The following ANKRD37 variants were observed in gnomAD, a reference collection of about 807,000 sequenced individuals.
ANKRD37 encodes the protein ankyrin repeat domain-containing protein 37.
A neutral mutation model predicts 19.7 loss-of-function variants in ANKRD37; 17 were observed. The ratio of observed to expected loss-of-function variants is 0.86; its 90% confidence interval spans 0.59 to 1.29. The LOEUF is 1.29. ANKRD37 is among the 50% of genes most tolerant of loss of function. ANKRD37 has a pLI of 0.00. For synonymous variants in ANKRD37, 79 were observed against 74.5 expected, an observed-to-expected ratio of 1.06 and a Z score of -0.31; for missense variants, 207 against 190.4, an observed-to-expected ratio of 1.09 and a Z score of -0.51.
Position 185,399,562 on chromosome 4 carries a change from G to A in ANKRD37, c.273-8G>A, listed in dbSNP as rs188327719. On this transcript the variant is annotated splice_region_variant and splice_polypyrimidine_tract_variant and intron_variant, in intron 3 of 4. Coordinates refer to ENST00000335174, the MANE Select transcript of ANKRD37 (RefSeq NM_181726.4). The stretch of plus-strand genomic sequence containing the variant: ...TTTCATTTCACTCCGTTTTTATCCT[G>A]TTTTCAGTTTATGTAATAAGAACGG... 13 of 1,613,898 alleles carry A rather than the reference G, an allele frequency of 8.1e-6. No homozygotes were observed. The African/African-American group carries it at 1.2e-4, about 15-fold the overall frequency.
rs1373784538 is a variant in ANKRD37 at position 185,396,848 on chromosome 4, C to T, written c.-76C>T. On this transcript the variant is annotated 5_prime_UTR_variant, in exon 1 of 5. Transcript: ENST00000335174. ...CCGTGCTAGGGCCAGCCTGCGCATT[C>T]TTACCTGTCGGGGTGCGGCGAGTGT... 1 of 1,514,222 alleles carries T rather than the reference C, an allele frequency of 6.6e-7. No individual in the cohort carries two copies. The highest frequency in any genetic ancestry group is 1.4e-5 in the African/African-American group (1 of 73,112). 93.8% of individuals were successfully genotyped at this position (1,514,222 alleles called of 1,614,324 possible).
intron 2 of ANKRD37, among the ~76,000 whole-genome samples, chr4:185,397,945 G>A (rs2095507454): frequency 6.6e-6 from 1 of 152,200 alleles, no homozygotes; most frequent in Admixed American, 6.5e-5. Flanking sequence ...TTTAATGTAT[G>A]TGCATATGGC....
rs938648762 is a variant in ANKRD37, at chr4:185,397,245, C to T, written c.123C>T (p.Ser41=). 2 of 1,614,156 alleles carry T rather than the reference C, an allele frequency of 1.2e-6. No homozygotes were observed. Among genetic ancestry groups the T allele is most frequent in the Non-Finnish European group, 1.7e-6 (2 of 1,180,036 alleles). Residue 41 remains serine, a synonymous_variant, in exon 2 of 5, where the codon AGC becomes AGT. Coordinates refer to ENST00000335174, the MANE Select transcript of ANKRD37 (RefSeq NM_181726.4). ...CGCCTGTCCACTTAGCCGCAGGAAG[C>T]GGCCTTGCTTGCTTTCTTCTCTGGC... is the stretch of plus-strand genomic sequence containing the variant. The part of the protein sequence containing the change: ...KQSPVHLAAG[S]GLACFLLWQL...
rs1232331379 is a variant in ANKRD37 at position 185,397,306 on chromosome 4, A to G, written c.180+4A>G. ...GGGCGCTGACCTCAACCAGCAGGTA[A>G]CTAGGTAACTGTTGCTGTGTACAGC... On this transcript the variant is annotated splice_donor_region_variant and intron_variant, in intron 2 of 4. Coordinates refer to ENST00000335174, the MANE Select transcript of ANKRD37 (RefSeq NM_181726.4). 6.2e-7 allele frequency: 1 copy of G among 1,613,540 alleles called. No homozygotes were observed. Among genetic ancestry groups the G allele is most frequent in the Non-Finnish European group, 8.5e-7 (1 of 1,179,888 alleles).
At chr4:185,400,490 A>AGAC (rs781063894), downstream of ANKRD37, 1 of 1,599,942 alleles carries the variant, frequency 6.3e-7, no homozygotes, top group South Asian at 1.1e-5. Context: ...TGGATAGAGA[A>AGAC]GACGGGAAAG....
At chr4:185,398,819 C>A in intron 2 of ANKRD37, 118 bp from the exon 3 acceptor site, 3 of 524,528 alleles carry the variant, frequency 5.7e-6, no homozygotes, top group Non-Finnish European at 9.3e-6. Flanking sequence ...AAAAAATTCC[C>A]TGTCCAGTAC....
chr4:185,398,281 G>T (rs1160626131), intron 2 of ANKRD37, among the ~76,000 whole-genome samples: 1 of 152,032 alleles, frequency 6.6e-6, no homozygotes, highest in Non-Finnish European at 1.5e-5. Context: ...AATGAAAACG[G>T]TATGAAAAAG....
In ANKRD37 at chr4:185,397,150, G is replaced by C; in HGVS notation, c.28G>C (p.Val10Leu). Residue 10 changes from valine (V) to leucine (L), a missense_variant and splice_region_variant, in exon 2 of 5, where the codon GTG becomes CTG. Coordinates refer to ENST00000335174, the MANE Select transcript of ANKRD37 (RefSeq NM_181726.4). ...TGCTGGATCTGTTCTCTTCCTGCAG[G>C]TGGATGGTCTGAAGCATTTGCTGGA... MLLLDCNPE[V>L]DGLKHLLETG... is the part of the protein sequence containing the mutation. 1 of 1,613,374 alleles carries C rather than the reference G, an allele frequency of 6.2e-7. No homozygotes were observed. Among genetic ancestry groups the C allele is most frequent in the Non-Finnish European group, 8.5e-7 (1 of 1,179,990 alleles).
intron 1 of ANKRD37, 86 bp downstream of exon 1, chr4:185,397,036 C>T (rs1465098269): frequency 6.2e-7 from 1 of 1,609,642 alleles, no homozygotes; most frequent in African/African-American, 1.3e-5. Context: ...GGGGACGGAC[C>T]ACTGGGCGCT....
rs776541906 is a variant in ANKRD37 at position 185,399,559 on chromosome 4, C to G, written c.273-11C>G. On this transcript the variant is annotated splice_polypyrimidine_tract_variant and intron_variant, in intron 3 of 4. Coordinates refer to ENST00000335174, the MANE Select transcript of ANKRD37 (RefSeq NM_181726.4). The stretch of plus-strand genomic sequence containing the variant: ...ATGTTTCATTTCACTCCGTTTTTAT[C>G]CTGTTTTCAGTTTATGTAATAAGAA... 6.2e-7 allele frequency: 1 copy of G among 1,613,648 alleles called. No homozygotes were observed. Among genetic ancestry groups the G allele is most frequent in the Admixed American group, 1.7e-5 (1 of 59,988 alleles).
At chr4:185,399,827 A>G (rs777800362) in intron 4 of ANKRD37, 54 bp downstream of exon 4, 15 of 1,606,484 alleles carry the variant, frequency 9.3e-6, no homozygotes, top group Admixed American at 1.7e-5. Context: ...TCTTGTTTGC[A>G]TAGCATTTAT....
chr4:185,397,297 C>T lies in ANKRD37; in HGVS notation c.175C>T (p.Gln59Ter). The T allele has an allele frequency of 6.2e-7, 1 of 1,613,802 alleles. No individual in the cohort carries two copies. Among genetic ancestry groups the T allele is most frequent in the South Asian group, 1.1e-5 (1 of 91,054 alleles). Residue 59 changes from glutamine to a stop codon, truncating the protein, a stop_gained, in exon 2 of 5, where the codon CAG (glutamine) becomes TAG (stop). Transcript: ENST00000335174. LOFTEE classifies it high-confidence loss of function. ...WQLQTGADLN[Q>*]QDVLGEAPLH... is the part of the protein sequence containing the mutation. ...GCTGCAAACGGGCGCTGACCTCAAC[C>T]AGCAGGTAACTAGGTAACTGTTGCT...
intron 2 of ANKRD37, 136 bp from the exon 3 acceptor site, chr4:185,398,794 CAAAAAAA>C (rs34434090): frequency 7.9e-5 from 20 of 253,774 alleles, no homozygotes; most frequent in Non-Finnish European, 1.1e-4. Context: ...TGTTCTCTGC[CAAAAAAA>C]AAAAAAAAAA....
chr4:185,399,381 C>T (rs1253385155), intron 3 of ANKRD37, among the ~76,000 whole-genome samples, 189 bp from the exon 4 acceptor site: 2 of 152,096 alleles, frequency 1.3e-5, no homozygotes, highest in African/African-American at 4.8e-5. Context: ...ACTGGAATGC[C>T]CGCTCTATGC....
At chr4:185,397,097 G>A in intron 1 of ANKRD37, 53 bp from the exon 2 acceptor site, 1 of 1,610,324 alleles carries the variant, frequency 6.2e-7, no homozygotes, top group South Asian at 1.1e-5. Flanking sequence ...GCCCGGAGGG[G>A]CGCGGGACTG....
chr4:185,400,063 G>A lies in ANKRD37; in HGVS notation c.*46G>A, dbSNP rs750267957. 3.6e-5 allele frequency: 55 copies of A among 1,520,188 alleles called. No homozygotes were observed. Among genetic ancestry groups the A allele is most frequent in the Non-Finnish European group, 4.6e-5 (51 of 1,105,710 alleles). 94.2% of individuals were successfully genotyped at this position (1,520,188 alleles called of 1,614,324 possible). A position where few individuals can be genotyped will look rare whatever the true frequency, so the allele number is the denominator to read the frequency against. On this transcript the variant is annotated 3_prime_UTR_variant, in exon 5 of 5. Coordinates refer to ENST00000335174, the MANE Select transcript of ANKRD37 (RefSeq NM_181726.4). Reference sequence around the variant, plus strand: ...AGTCTGAAGAACGCCTTCATTTCATGCAAATCTATAAGCTCCTGCTTTTGG... The same window carrying A: ...AGTCTGAAGAACGCCTTCATTTCATACAAATCTATAAGCTCCTGCTTTTGG...
chr4:185,400,656 G>T (rs1293170455), downstream of ANKRD37: 4 of 432,430 alleles, frequency 9.3e-6, no homozygotes, highest in East Asian at 1.4e-4. Context: ...CTTTAAGGTA[G>T]GTTTTTGAAC....
intron 1 of ANKRD37, 26 bp from the exon 2 acceptor site, chr4:185,397,124 G>A: frequency 6.2e-7 from 1 of 1,612,640 alleles, no homozygotes; most frequent in Non-Finnish European, 8.5e-7. Flanking sequence ...GGTGGGAAGG[G>A]TGCTGGATCT....
rs1052950369 is a variant in ANKRD37 at position 185,399,695 on chromosome 4, G to A, written c.398G>A (p.Arg133Lys). 4 of 1,614,126 alleles carry A rather than the reference G, an allele frequency of 2.5e-6. No homozygotes were observed. The highest frequency in any genetic ancestry group is 3.3e-5 in the Admixed American group (2 of 60,020). Residue 133 changes from arginine (R) to lysine (K), a missense_variant, in exon 4 of 5, where the codon AGG (arginine) becomes AAG (lysine). Arg to Lys is a conservative substitution (Grantham distance 26). Transcript: ENST00000335174. ...ATAAAAGCAAGTGAACACCCTGACAGGAATGATTGTGTTGCCGTGCTCAGA... is the reference window on the plus strand; with the variant it reads ...ATAAAAGCAAGTGAACACCCTGACAAGAATGATTGTGTTGCCGTGCTCAGA... ...QTIKASEHPD[R>K]NDCVAVLRQK...
Sources: allele counts gnomAD v4.1 joint callset (sites outside exome capture counted in the v4.1 genomes callset), GRCh38; gene constraint gnomAD v4.1.1; transcripts MANE v1.5; gene names NCBI Gene and HGNC (gene_info 2026-07-23, HGNC 2026-07-21).